SAPCD2: variants seen among roughly 807,000 people sequenced by gnomAD.
The protein encoded by SAPCD2 is suppressor APC domain containing 2.
A neutral mutation model predicts 37.8 loss-of-function variants in SAPCD2; 34 were observed. That is an observed-to-expected ratio of 0.90 (90% CI 0.68 to 1.20). The LOEUF is 1.20. SAPCD2 is among the 50% of genes most tolerant of loss of function. The probability of loss-of-function intolerance (pLI) is 0.00; values close to 1 mark genes in which losing one functional copy is unlikely to be tolerated. For synonymous variants in SAPCD2, 275 were observed against 270.3 expected, an observed-to-expected ratio of 1.02 and a Z score of -0.17; for missense variants, 572 against 584.7, an observed-to-expected ratio of 0.98 and a Z score of 0.22.
intron 1 of SAPCD2, among the ~76,000 whole-genome samples, chr9:137,068,701 C>T (rs762534230): frequency 3.3e-5 from 5 of 152,228 alleles, no homozygotes; most frequent in South Asian, 2.1e-4. Flanking sequence ...AGATGTGGTA[C>T]GTGAGCCAGT....
chr9:137,066,457 A>C, intron 1 of SAPCD2, 83 bp from the exon 2 acceptor site: 49 of 1,064,612 alleles, frequency 4.6e-5, no homozygotes, highest in South Asian at 6.4e-5. Flanking sequence ...TCCACATCTC[A>C]GCCCACCCTC....
In SAPCD2 at chr9:137,062,216, A is replaced by G. The variant is rs1313567882; in HGVS notation, c.*2443T>C. ...TCTGATAATTCTAGTATCTGGGTCT[A>G]GAGTCAATCTGTTGCTTCTGCTGGG... On this transcript the variant is annotated 3_prime_UTR_variant, in exon 6 of 6. Transcript: ENST00000409687. 1 of 152,122 alleles carries G rather than the reference A, an allele frequency of 6.6e-6. No homozygotes were observed. Among genetic ancestry groups the G allele is most frequent in the African/African-American group, 2.4e-5 (1 of 41,414 alleles). 9.4% of individuals were successfully genotyped at this position (152,122 alleles called of 1,614,324 possible).
At position 137,064,695 on chromosome 9, in the gene SAPCD2, C is replaced by G. The variant is rs771893918; in HGVS notation, c.1149G>C (p.Gln383His). Reference sequence around the variant, plus strand: ...TGGAATCCAGAGGTCCCCCGTCCTGCTGGCTCAGGGCGCGGGCCTCAAACA... The same window carrying G: ...TGGAATCCAGAGGTCCCCCGTCCTGGTGGCTCAGGGCGCGGGCCTCAAACA... ...KQLFEARALS[Q>H]QDGGPLDSTF... is the part of the protein sequence containing the mutation. Residue 383 changes from glutamine (Q) to histidine (H), a missense_variant, in exon 6 of 6, where the codon CAG becomes CAC. Transcript: ENST00000409687. 6.3e-7 allele frequency: 1 copy of G among 1,596,600 alleles called. No individual in the cohort carries two copies. Among genetic ancestry groups the G allele is most frequent in the South Asian group, 1.1e-5 (1 of 88,580 alleles).
Position 137,070,338 on chromosome 9 carries a change from G to A in SAPCD2, c.123C>T (p.Asp41=). ...SLRTLFDILD[D]RRRGCVHLRE... is the part of the protein sequence containing the mutation. ...GCAGGTGCACGCAGCCGCGCCGCCG[G>A]TCGTCCAGGATGTCGAACAGGGTGC... is the stretch of plus-strand genomic sequence containing the variant. Residue 41 remains aspartate (D), a synonymous_variant, in exon 1 of 6, where the codon GAC becomes GAT. Transcript: ENST00000409687. 1 of 1,472,850 alleles carries A rather than the reference G, an allele frequency of 6.8e-7. No homozygotes were observed. Among genetic ancestry groups the A allele is most frequent in the Non-Finnish European group, 9.0e-7 (1 of 1,114,320 alleles). The allele number at this position is 1,472,850 out of a possible 1,614,324, so 91.2% of individuals were successfully genotyped here.
chr9:137,070,000 G>C lies in SAPCD2; in HGVS notation c.461C>G (p.Ala154Gly). 1 of 1,218,216 alleles carries C rather than the reference G, an allele frequency of 8.2e-7. No homozygotes were observed. 75.5% of individuals were successfully genotyped at this position (1,218,216 alleles called of 1,614,324 possible). The change falls in exon 1 of 6, where the codon GCC (alanine) becomes GGC (glycine). Residue 154 changes from alanine to glycine, a missense_variant. Transcript: ENST00000409687. ...GCACAGCTGCTCCGGGCTGCGGGCG[G>C]CGGCGCTGGGACCGGCCAGAGGGGC... ...VRAPLAGPSA[A>G]ARSPEQLCAP...
Position 137,064,716 on chromosome 9 carries a change from A to T in SAPCD2, c.1128T>A (p.Phe376Leu). 6.3e-7 allele frequency: 1 copy of T among 1,594,212 alleles called. No individual in the cohort carries two copies. The highest frequency in any genetic ancestry group is 8.5e-7 in the Non-Finnish European group (1 of 1,171,468). Reference protein sequence around the residue: ...QEKSALIKQLFEARALSQQDG... With the variant: ...QEKSALIKQLLEARALSQQDG... ...CCTGCTGGCTCAGGGCGCGGGCCTCAAACAGCTGCTTAATGAGCGCCGACT... is the reference window on the plus strand; with the variant it reads ...CCTGCTGGCTCAGGGCGCGGGCCTCTAACAGCTGCTTAATGAGCGCCGACT... The change falls in exon 6 of 6, where the codon TTT becomes TTA. Residue 376 changes from phenylalanine to leucine, a missense_variant. Coordinates refer to ENST00000409687, the MANE Select transcript of SAPCD2 (RefSeq NM_178448.4).
In SAPCD2 at chr9:137,069,995, G is replaced by C. The variant is rs71483301; in HGVS notation, c.466C>G (p.Arg156Gly). The change falls in exon 1 of 6, where the codon CGC (arginine) becomes GGC (glycine). Residue 156 changes from arginine (R) to glycine (G), a missense_variant. Transcript: ENST00000409687. ...APLAGPSAAA[R>G]SPEQLCAPAE... ...GGGGCGCACAGCTGCTCCGGGCTGC[G>C]GGCGGCGGCGCTGGGACCGGCCAGA... 379,461 of 1,221,224 alleles carry C rather than the reference G, an allele frequency of 0.31. 61,285 individuals carry two copies. Among genetic ancestry groups the C allele is most frequent in the East Asian group, 0.58 (17,456 of 30,322 alleles). The allele number at this position is 1,221,224 out of a possible 1,614,324, so 75.6% of individuals were successfully genotyped here. A position where few individuals can be genotyped will look rare whatever the true frequency, so the allele number is the denominator to read the frequency against.
Position 137,063,965 on chromosome 9 carries a change from C to T in SAPCD2, c.*694G>A, listed in dbSNP as rs536357697. Reference sequence around the variant, plus strand: ...TGGGACTCAACGTGGGGCAACGTCCCGGCCAAGAGGGGGAAGGCCATCACC... The same window carrying T: ...TGGGACTCAACGTGGGGCAACGTCCTGGCCAAGAGGGGGAAGGCCATCACC... On this transcript the variant is annotated 3_prime_UTR_variant, in exon 6 of 6. Coordinates refer to ENST00000409687, the MANE Select transcript of SAPCD2 (RefSeq NM_178448.4). 4.4e-4 allele frequency: 67 copies of T among 154,000 alleles called. No individual in the cohort carries two copies. The highest frequency in any genetic ancestry group is 3.4e-3 in the Middle Eastern group (1 of 296). The allele number at this position is 154,000 out of a possible 1,614,324, so 9.5% of individuals were successfully genotyped here.
chr9:137,066,685 A>G (rs1011789453), intron 1 of SAPCD2, among the ~76,000 whole-genome samples: 2 of 152,224 alleles, frequency 1.3e-5, no homozygotes, highest in Non-Finnish European at 2.9e-5. Flanking sequence ...CCCAGTGCCC[A>G]GAACATGGCA....
chr9:137,064,648 G>C lies in SAPCD2; in HGVS notation c.*11C>G. Reference sequence around the variant, plus strand: ...CAGGCTGGCCCTGGGGGCCCACGCGGCCCACAAGGACTAGATGAAGGTGGA... The same window carrying C: ...CAGGCTGGCCCTGGGGGCCCACGCGCCCCACAAGGACTAGATGAAGGTGGA... On this transcript the variant is annotated 3_prime_UTR_variant, in exon 6 of 6. Transcript: ENST00000409687. 1 of 1,592,982 alleles carries C rather than the reference G, an allele frequency of 6.3e-7. No homozygotes were observed. The highest frequency in any genetic ancestry group is 8.5e-7 in the Non-Finnish European group (1 of 1,171,280).
At chr9:137,065,486 T>C (rs1832530427) in intron 3 of SAPCD2, 36 bp downstream of exon 3, 2 of 1,556,724 alleles carry the variant, frequency 1.3e-6, no homozygotes, top group Admixed American at 1.8e-5. Flanking sequence ...GGGGTCCCCA[T>C]GTGTGGGGAT....
Position 137,063,974 on chromosome 9 carries a change from G to C in SAPCD2, c.*685C>G, listed in dbSNP as rs1326127567. On this transcript the variant is annotated 3_prime_UTR_variant, in exon 6 of 6. Coordinates refer to ENST00000409687, the MANE Select transcript of SAPCD2 (RefSeq NM_178448.4). The stretch of plus-strand genomic sequence containing the variant: ...ACGTGGGGCAACGTCCCGGCCAAGA[G>C]GGGGAAGGCCATCACCCCAGGGTCT... 2.6e-5 allele frequency: 4 copies of C among 154,096 alleles called. No homozygotes were observed. The highest frequency in any genetic ancestry group is 1.3e-4 in the Admixed American group (2 of 15,558). The allele number at this position is 154,096 out of a possible 1,614,324, so 9.5% of individuals were successfully genotyped here. A position where few individuals can be genotyped will look rare whatever the true frequency, so the allele number is the denominator to read the frequency against.
At position 137,064,363 on chromosome 9, in the gene SAPCD2, G is replaced by T; in HGVS notation, c.*296C>A. ...AACGGGGGGACGCTAACTCATGGAG[G>T]GGTACCCCACTGTCCACTGACAGCG... On this transcript the variant is annotated 3_prime_UTR_variant, in exon 6 of 6. Coordinates refer to ENST00000409687, the MANE Select transcript of SAPCD2 (RefSeq NM_178448.4). The T allele has an allele frequency of 4.1e-6, 2 of 485,914 alleles. No homozygotes were observed. Among genetic ancestry groups the T allele is most frequent in the Non-Finnish European group, 7.5e-6 (2 of 267,758 alleles). The allele number at this position is 485,914 out of a possible 1,614,324, so 30.1% of individuals were successfully genotyped here. A position where few individuals can be genotyped will look rare whatever the true frequency, so the allele number is the denominator to read the frequency against.
chr9:137,070,508 G>A lies in SAPCD2; in HGVS notation c.-48C>T. 8.6e-7 allele frequency: 1 copy of A among 1,163,594 alleles called. No homozygotes were observed. Among genetic ancestry groups the A allele is most frequent in the Non-Finnish European group, 1.1e-6 (1 of 934,236 alleles). 72.1% of individuals were successfully genotyped at this position (1,163,594 alleles called of 1,614,324 possible). On this transcript the variant is annotated 5_prime_UTR_variant, in exon 1 of 6. Transcript: ENST00000409687. The stretch of plus-strand genomic sequence containing the variant: ...CGTCCACCCGCGTGCGTCCCAGCGC[G>A]GCCCCACGGAGGGGCCGGCCCGGCG...
intron 1 of SAPCD2, among the ~76,000 whole-genome samples, chr9:137,067,997 C>G (rs1246834077): frequency 6.6e-6 from 1 of 152,086 alleles, no homozygotes; most frequent in East Asian, 1.9e-4. Flanking sequence ...GAAGTGGGTA[C>G]AGGTGTGGAG....
Position 137,064,544 on chromosome 9 carries a change from A to T in SAPCD2, c.*115T>A, listed in dbSNP as rs1832513355. The T allele has an allele frequency of 7.9e-7, 1 of 1,273,434 alleles. No individual in the cohort carries two copies. Among genetic ancestry groups the T allele is most frequent in the Non-Finnish European group, 1.1e-6 (1 of 912,072 alleles). The allele number at this position is 1,273,434 out of a possible 1,614,324, so 78.9% of individuals were successfully genotyped here. A position where few individuals can be genotyped will look rare whatever the true frequency, so the allele number is the denominator to read the frequency against. The stretch of plus-strand genomic sequence containing the variant: ...GCGGCAGGAAGGCGCCCACTCCGGG[A>T]CTGTGCCTGGGCCTGCCGGGGGTCT... On this transcript the variant is annotated 3_prime_UTR_variant, in exon 6 of 6. Coordinates refer to ENST00000409687, the MANE Select transcript of SAPCD2 (RefSeq NM_178448.4).
rs199976241 is a variant in SAPCD2 at position 137,064,886 on chromosome 9, C to T, written c.1033G>A (p.Glu345Lys). Residue 345 changes from glutamate to lysine, a missense_variant, in exon 5 of 6, where the codon GAG (glutamate) becomes AAG (lysine). Transcript: ENST00000409687. ...WQQQTILMLK[E>K]QNRLLTQEVT... Reference sequence around the variant, plus strand: ...ACCTGGGTGAGGAGTCGGTTCTGCTCCTTCAGCATGAGGATGGTCTGCTGC... The same window carrying T: ...ACCTGGGTGAGGAGTCGGTTCTGCTTCTTCAGCATGAGGATGGTCTGCTGC... The T allele has an allele frequency of 2.6e-4, 403 of 1,562,908 alleles. 4 individuals are homozygous for T. Among genetic ancestry groups the T allele is most frequent in the Admixed American group, 4.2e-4 (22 of 52,792 alleles).
At position 137,070,205 on chromosome 9, in the gene SAPCD2, G is replaced by C; in HGVS notation, c.256C>G (p.Arg86Gly). ...GAGGTGCGCAGGCCGGCCACGAAGC[G>C]CTCGAAGGTCAGGTAGCCGCTGGCC... is the stretch of plus-strand genomic sequence containing the variant. ...APASGYLTFE[R>G]FVAGLRTSLL... Residue 86 changes from arginine (R) to glycine (G), a missense_variant, in exon 1 of 6, where the codon CGC becomes GGC. By Grantham distance (125) the Arg-to-Gly change is moderately radical. Transcript: ENST00000409687. 7.3e-7 allele frequency: 1 copy of C among 1,375,262 alleles called. No individual in the cohort carries two copies. The highest frequency in any genetic ancestry group is 9.5e-7 in the Non-Finnish European group (1 of 1,057,414). 85.2% of individuals were successfully genotyped at this position (1,375,262 alleles called of 1,614,324 possible). A position where few individuals can be genotyped will look rare whatever the true frequency, so the allele number is the denominator to read the frequency against.
chr9:137,064,778 C>T lies in SAPCD2; in HGVS notation c.1066G>A (p.Glu356Lys), dbSNP rs755488044. ...AGCTGCGTGATGCGCTCACTCTTCT[C>T]GGTCACCTCCTGGGCAGGTGCACAG... ...QNRLLTQEVT[E>K]KSERITQLEQ... The change falls in exon 6 of 6, where the codon GAG (glutamate) becomes AAG (lysine). Residue 356 changes from glutamate to lysine, a missense_variant. Glu to Lys is a moderately conservative substitution (Grantham distance 56, BLOSUM62 1). Transcript: ENST00000409687. 5.0e-6 allele frequency: 8 copies of T among 1,594,354 alleles called. No individual in the cohort carries two copies. The highest frequency in any genetic ancestry group is 1.7e-5 in the Admixed American group (1 of 57,976).
Sources: allele counts gnomAD v4.1 joint callset (sites outside exome capture counted in the v4.1 genomes callset), GRCh38; gene constraint gnomAD v4.1.1; transcripts MANE v1.5; gene names NCBI Gene and HGNC (gene_info 2026-07-23, HGNC 2026-07-21).